The following CAPN13 variants were observed in gnomAD, a reference collection of about 807,000 sequenced individuals.
The protein encoded by CAPN13 is calpain 13, also known as calpain-13.
Under a neutral mutation model 98.4 loss-of-function variants are expected in CAPN13, and 90 were observed. The ratio of observed to expected loss-of-function variants is 0.92; its 90% CI spans 0.77 to 1.09. The LOEUF (loss-of-function observed/expected upper bound fraction) is 1.09, where lower values mean the gene tolerates loss of function less well. CAPN13 is among the 50% of genes least tolerant of loss of function. CAPN13 has a pLI of 0.00. For synonymous variants in CAPN13, 330 were observed against 305.5 expected, an observed-to-expected ratio of 1.08 and a Z score of -0.84; for missense variants, 887 against 841.3, an observed-to-expected ratio of 1.05 and a Z score of -0.67.
At chr2:30,759,770 T>C (rs967701483) in intron 7 of CAPN13, among the ~76,000 whole-genome samples, 2 of 152,192 alleles carry the variant, frequency 1.3e-5, no homozygotes, top group Non-Finnish European at 2.9e-5. Flanking sequence ...AGTTTTGGAA[T>C]TAGGCATGAG....
chr2:30,790,100 CCT>C (rs2148080756), intron 1 of CAPN13, among the ~76,000 whole-genome samples: 1 of 152,352 alleles, frequency 6.6e-6, no homozygotes, highest in South Asian at 2.1e-4. Flanking sequence ...ATAGTTCTTT[CCT>C]CTGAGTTGCT....
chr2:30,731,300 C>A, intron 21 of CAPN13, 44 bp downstream of exon 21: 1 of 1,542,340 alleles, frequency 6.5e-7, no homozygotes. Context: ...TCAGGGGAGG[C>A]AGCCTGGGAC....
At position 30,734,474 on chromosome 2, in the gene CAPN13, G is replaced by T. The variant is rs759080388; in HGVS notation, c.1773C>A (p.Asp591Glu). 2 of 1,613,926 alleles carry T rather than the reference G, an allele frequency of 1.2e-6. No individual in the cohort carries two copies. The highest frequency in any genetic ancestry group is 4.5e-5 in the East Asian group (2 of 44,872). The change falls in exon 19 of 23, where the codon GAC becomes GAA. Residue 591 changes from aspartate to glutamate, a missense_variant. Physicochemically the swap from Asp to Glu is conservative, Grantham distance 45. Transcript: ENST00000295055. The part of the protein sequence containing the change: ...QTSPGVLLSS[D>E]LWKAIENTDF... ...CTGTATTCTCTATGGCCTTCCACAAGTCCGAGCTCAGGAGGACTCCAGGGC... is the reference window on the plus strand; with the variant it reads ...CTGTATTCTCTATGGCCTTCCACAATTCCGAGCTCAGGAGGACTCCAGGGC...
intron 8 of CAPN13, among the ~76,000 whole-genome samples, chr2:30,756,749 GAAGA>G (rs537426062): frequency 9.2e-5 from 14 of 152,180 alleles, no homozygotes; most frequent in Non-Finnish European, 1.8e-4. Context: ...ACCTGGGAAG[GAAGA>G]AAGAATAGAG....
intron 11 of CAPN13, among the ~76,000 whole-genome samples, chr2:30,746,870 T>C (rs1314368025): frequency 6.6e-6 from 1 of 152,114 alleles, no homozygotes; most frequent in Non-Finnish European, 1.5e-5. Flanking sequence ...GGAGGAGGTA[T>C]TCTTTGGTCA....
chr2:30,782,546 G>A (rs2030386), intron 2 of CAPN13, among the ~76,000 whole-genome samples: 109,721 of 152,098 alleles, frequency 0.72, 39,987 homozygotes, highest in African/African-American at 0.81. Context: ...TGAAGAGCAC[G>A]TTTTGGTCGC....
At chr2:30,741,683 A>C in intron 15 of CAPN13, 3 of 1,396,516 alleles carry the variant, frequency 2.1e-6, no homozygotes, top group Non-Finnish European at 2.8e-6. Context: ...TAAGCTCTGC[A>C]TTCCAGCTTG....
chr2:30,787,091 C>T (rs929277109), intron 2 of CAPN13, 37 bp downstream of exon 2: 49 of 1,495,922 alleles, frequency 3.3e-5, no homozygotes, highest in Non-Finnish European at 4.3e-5. Flanking sequence ...ACTCCGAGGA[C>T]CCTGGAGCTG....
At chr2:30,776,119 T>C (rs1432519993) in intron 3 of CAPN13, 74 bp from the exon 4 acceptor site, 2 of 931,232 alleles carry the variant, frequency 2.1e-6, no homozygotes, top group Non-Finnish European at 3.3e-6. Context: ...TCAAAGGTCC[T>C]TACCACCAGA....
chr2:30,800,117 A>AAGAAAG (rs1675130135), intron 1 of CAPN13, among the ~76,000 whole-genome samples: 1 of 11,418 alleles, frequency 8.8e-5, no homozygotes, highest in African/African-American at 3.4e-4. Flanking sequence ...AAAAGAAAGA[A>AAGAAAG]AAGAAAGAAA....
chr2:30,738,571 A>C (rs1572793008), intron 15 of CAPN13, 114 bp from the exon 16 acceptor site: 1 of 1,121,162 alleles, frequency 8.9e-7, no homozygotes. Flanking sequence ...CCCACAATGT[A>C]CCCATCTTGC....
intron 2 of CAPN13, among the ~76,000 whole-genome samples, chr2:30,784,187 A>AG (rs1449429935): frequency 2.1e-5 from 3 of 145,720 alleles, no homozygotes; most frequent in African/African-American, 8.5e-5. Flanking sequence ...CTCAAAAAAA[A>AG]GAAAAAAAAA....
chr2:30,785,614 C>A (rs1238549681), intron 2 of CAPN13, among the ~76,000 whole-genome samples: 2 of 152,016 alleles, frequency 1.3e-5, no homozygotes, highest in African/African-American at 4.8e-5. Context: ...CTCCTTGCCC[C>A]CAAAAGACAT....
chr2:30,737,522 T>G (rs994606807), intron 17 of CAPN13: 1 of 152,476 alleles, frequency 6.6e-6, no homozygotes, highest in Admixed American at 6.5e-5. Flanking sequence ...TGGGGTTCAA[T>G]TCTTGGTCCT....
At chr2:30,740,371 G>T (rs113153696) in intron 15 of CAPN13, among the ~76,000 whole-genome samples, 1 of 152,222 alleles carries the variant, frequency 6.6e-6, no homozygotes, top group Admixed American at 6.5e-5. Context: ...GGGATGACAG[G>T]CGTCAGCTAC....
intron 1 of CAPN13, among the ~76,000 whole-genome samples, chr2:30,790,537 C>T (rs766907224): frequency 6.6e-6 from 1 of 152,186 alleles, no homozygotes; most frequent in East Asian, 1.9e-4. Context: ...CAAGCAGGAG[C>T]CGTGGCTTAG....
intron 2 of CAPN13, among the ~76,000 whole-genome samples, chr2:30,779,773 A>G (rs1673894137): frequency 6.6e-6 from 1 of 152,142 alleles, no homozygotes; most frequent in Non-Finnish European, 1.5e-5. Context: ...CAATTAGTGA[A>G]TTATATACCA....
intron 4 of CAPN13, among the ~76,000 whole-genome samples, chr2:30,774,222 G>T (rs1673562370): frequency 6.6e-6 from 1 of 152,030 alleles, no homozygotes; most frequent in African/African-American, 2.4e-5. Flanking sequence ...AATATTAAGT[G>T]TGCAGTTTCA....
chr2:30,728,006 A>G (rs1670919311), intron 22 of CAPN13, among the ~76,000 whole-genome samples: 1 of 152,022 alleles, frequency 6.6e-6, no homozygotes, highest in Non-Finnish European at 1.5e-5. Flanking sequence ...ACGCTACAAC[A>G]TGGATGAATC....
Sources: gnomAD v4.1 joint callset for allele counts (sites outside exome capture counted in the v4.1 genomes callset) on GRCh38, gnomAD v4.1.1 for gene constraint, MANE v1.5 for transcripts, NCBI Gene and HGNC (gene_info 2026-07-23, HGNC 2026-07-21) for gene names.